The following ASIC2 variants were observed in gnomAD, a reference collection of about 807,000 sequenced individuals.
The protein encoded by ASIC2 is acid-sensing ion channel 2.
A neutral mutation model predicts 57.3 loss-of-function variants in ASIC2; 25 were observed. The observed-to-expected ratio is 0.44, with a 90% CI of 0.32 to 0.61. The LOEUF is 0.61. Ranked by LOEUF, ASIC2 falls within the 20% of genes least tolerant of loss-of-function variation. ASIC2 has a pLI of 0.06. For synonymous variants in ASIC2, 319 were observed against 307.5 expected (o/e 1.04, Z -0.39); for missense variants, 641 against 738.1 (o/e 0.87, Z 1.52).
At chr17:33,818,047 C>A (rs1912638890) in intron 1 of ASIC2, among the ~76,000 whole-genome samples, 1 of 152,170 alleles carries the variant, frequency 6.6e-6, no homozygotes, top group Non-Finnish European at 1.5e-5. Flanking sequence ...CTTTTATTGA[C>A]CAGCCTTGGA....
At chr17:33,920,712 A>C (rs183700801) in intron 1 of ASIC2, among the ~76,000 whole-genome samples, 3 of 152,280 alleles carry the variant, frequency 2.0e-5, no homozygotes. Flanking sequence ...TCTAAAATCA[A>C]AGTTGAAATT....
intron 1 of ASIC2, among the ~76,000 whole-genome samples, chr17:34,122,997 G>A (rs979928638): frequency 3.3e-5 from 5 of 152,190 alleles, no homozygotes; most frequent in Non-Finnish European, 7.3e-5. Context: ...ATCTTCAGTA[G>A]GGAAGTCCAT....
chr17:33,406,911 C>T (rs186949178), intron 1 of ASIC2, among the ~76,000 whole-genome samples: 53 of 152,226 alleles, frequency 3.5e-4, no homozygotes, highest in African/African-American at 1.2e-3. Context: ...AATGTTTTGG[C>T]CTTTCTCCAG....
chr17:33,743,611 T>C (rs1050048346), intron 1 of ASIC2, among the ~76,000 whole-genome samples: 1 of 152,222 alleles, frequency 6.6e-6, no homozygotes, highest in Admixed American at 6.5e-5. Context: ...ATGGCCTAAA[T>C]AGGACACATG....
chr17:33,402,915 C>A (rs990841711), intron 1 of ASIC2, among the ~76,000 whole-genome samples: 1 of 152,130 alleles, frequency 6.6e-6, no homozygotes, highest in Non-Finnish European at 1.5e-5. Flanking sequence ...AGTGAGATAC[C>A]ATCTCATGCC....
chr17:33,184,863 A>G (rs1180220641), intron 1 of ASIC2, among the ~76,000 whole-genome samples: 1 of 152,214 alleles, frequency 6.6e-6, no homozygotes, highest in African/African-American at 2.4e-5. Flanking sequence ...AGTAAGTAGT[A>G]TAGATTTATA....
At chr17:33,988,933 C>G (rs1049046544) in intron 1 of ASIC2, among the ~76,000 whole-genome samples, 2 of 152,094 alleles carry the variant, frequency 1.3e-5, no homozygotes, top group Admixed American at 1.3e-4. Context: ...TGAGCCAAAA[C>G]TTTGCCCCAA....
intron 1 of ASIC2, among the ~76,000 whole-genome samples, chr17:34,015,068 C>CTTT (rs776970617): frequency 6.6e-4 from 85 of 129,622 alleles, no homozygotes; most frequent in African/African-American, 1.7e-3. Context: ...TTTCTTCTGC[C>CTTT]TTTTTTTTTT....
intron 1 of ASIC2, among the ~76,000 whole-genome samples, chr17:33,244,557 C>T (rs1364825643): frequency 6.6e-6 from 1 of 152,248 alleles, no homozygotes; most frequent in Non-Finnish European, 1.5e-5. Flanking sequence ...AAAGCTCACA[C>T]ACAATCAGCT....
At chr17:34,052,324 T>G (rs1908598770) in intron 1 of ASIC2, among the ~76,000 whole-genome samples, 1 of 152,208 alleles carries the variant, frequency 6.6e-6, no homozygotes, top group Non-Finnish European at 1.5e-5. Flanking sequence ...AGTTTGATAG[T>G]TTCAGGGACC....
rs1465794203 is a variant in ASIC2, at chr17:33,291,997, C to T, written c.119G>A (p.Gly40Asp). ...CAGCGCCCGCTCGCCGCCTCTGCCGCCCCCGGGCTGCCCGGCAGCCGCCAA... is the reference window on the plus strand; with the variant it reads ...CAGCGCCCGCTCGCCGCCTCTGCCGTCCCCGGGCTGCCCGGCAGCCGCCAA... ...AALAAAGQPG[G>D]GRGGERALQG... The change falls in exon 1 of 10, where the codon GGC becomes GAC. Residue 40 changes from glycine to aspartate, a missense_variant. Gly to Asp is a moderately conservative substitution (Grantham distance 94, BLOSUM62 -1). Transcript: ENST00000225823. 2.4e-6 allele frequency: 3 copies of T among 1,253,066 alleles called. No individual in the cohort carries two copies. Among genetic ancestry groups the T allele is most frequent in the Non-Finnish European group, 3.0e-6 (3 of 1,006,426 alleles). The allele number at this position is 1,253,066 out of a possible 1,614,324, so 77.6% of individuals were successfully genotyped here.
chr17:33,799,403 T>TTTCTTTCTTTCTTTCTTTC (rs756059318), intron 1 of ASIC2, among the ~76,000 whole-genome samples: 576 of 51,208 alleles, frequency 0.011, 30 homozygotes, highest in African/African-American at 0.013. Flanking sequence ...TCTTTCTTTC[T>TTTCTTTCTTTCTTTCTTTC]TTTCTTTCTT....
chr17:33,770,018 T>G (rs1911047934), intron 1 of ASIC2, among the ~76,000 whole-genome samples: 1 of 152,188 alleles, frequency 6.6e-6, no homozygotes, highest in South Asian at 2.1e-4. Flanking sequence ...CATAGAAAGC[T>G]GAATGACCAC....
intron 1 of ASIC2, among the ~76,000 whole-genome samples, chr17:33,579,117 T>C (rs1273783316): frequency 3.3e-5 from 5 of 151,868 alleles, no homozygotes; most frequent in Non-Finnish European, 7.4e-5. Context: ...AAACCCCGTC[T>C]CTACTAAAAA....
intron 1 of ASIC2, among the ~76,000 whole-genome samples, chr17:33,949,321 A>G (rs190628190): frequency 6.6e-6 from 1 of 152,276 alleles, no homozygotes; most frequent in African/African-American, 2.4e-5. Context: ...CAGATGTCAC[A>G]CTGCCCCCTA....
At chr17:34,055,507 T>C (rs972340904) in intron 1 of ASIC2, among the ~76,000 whole-genome samples, 23 of 152,334 alleles carry the variant, frequency 1.5e-4, no homozygotes, top group African/African-American at 5.3e-4. Context: ...TCTCAGAACA[T>C]ATTCATCTTC....
At chr17:33,187,040 A>T (rs1473029176) in intron 1 of ASIC2, among the ~76,000 whole-genome samples, 1 of 152,184 alleles carries the variant, frequency 6.6e-6, no homozygotes, top group African/African-American at 2.4e-5. Context: ...CTTCCACCAA[A>T]AAAGGTCACG....
At chr17:33,038,963 CTCCTT>C (rs1221615980) in intron 3 of ASIC2, among the ~76,000 whole-genome samples, 4 of 152,212 alleles carry the variant, frequency 2.6e-5, no homozygotes, top group Non-Finnish European at 5.9e-5. Flanking sequence ...GGGCCCTTCC[CTCCTT>C]TGTGTCTGCA....
intron 1 of ASIC2, among the ~76,000 whole-genome samples, chr17:34,076,079 T>C (rs908128488): frequency 2.6e-5 from 4 of 152,024 alleles, no homozygotes; most frequent in Admixed American, 1.3e-4. Context: ...CTCGGCTCAC[T>C]GCAAGCTCCG....
Sources: gnomAD v4.1 joint callset for allele counts (sites outside exome capture counted in the v4.1 genomes callset) on GRCh38, gnomAD v4.1.1 for gene constraint, MANE v1.5 for transcripts, NCBI Gene and HGNC (gene_info 2026-07-23, HGNC 2026-07-21) for gene names.